Variants in NCKAP5L observed in about 807,000 individuals in gnomAD.
The protein encoded by NCKAP5L is NCK associated protein 5 like.
In NCKAP5L, 54 loss-of-function variants were observed where a neutral mutation model predicts 103.2. The observed-to-expected ratio is 0.52, with a 90% confidence interval of 0.42 to 0.66. The LOEUF is 0.66. NCKAP5L is among the 30% of genes least tolerant of loss of function. The pLI, the probability that NCKAP5L is intolerant of heterozygous loss-of-function variation, is 0.00. For synonymous variants in NCKAP5L, 762 were observed against 748.6 expected (o/e 1.02, Z -0.29); for missense variants, 1,733 against 1,750.6 (o/e 0.99, Z 0.18).
rs117975630 is a variant in NCKAP5L at position 49,794,215 on chromosome 12, C to T, written c.3096-319G>A. Reference sequence around the variant, plus strand: ...ACCCGGTCACATCCTGGTCCATGAACGACACACTCCACCTGCTCTAGCTGA... The same window carrying T: ...ACCCGGTCACATCCTGGTCCATGAATGACACACTCCACCTGCTCTAGCTGA... On this transcript the variant is annotated intron_variant, in intron 8 of 12. Transcript: ENST00000335999. Among the ~76,000 whole-genome samples, 1,420 of 152,250 alleles carry T rather than the reference C, an allele frequency of 9.3e-3. 11 individuals carry two copies. Among genetic ancestry groups the T allele is most frequent in the South Asian group, 0.027 (130 of 4,816 alleles).
chr12:49,814,910 G>A (rs1009214423), intron 1 of NCKAP5L, among the ~76,000 whole-genome samples: 2 of 152,116 alleles, frequency 1.3e-5, no homozygotes, highest in Admixed American at 6.5e-5. Context: ...ACTTCTGAAG[G>A]GACTGGTCAA....
At chr12:49,810,985 G>A in intron 1 of NCKAP5L, among the ~76,000 whole-genome samples, 1 of 152,084 alleles carries the variant, frequency 6.6e-6, no homozygotes, top group East Asian at 1.9e-4. Context: ...TGCTTAGTCT[G>A]TACTATCCAA....
In NCKAP5L at chr12:49,802,994, A is replaced by T. The variant is rs774604950; in HGVS notation, c.195T>A (p.Val65=). The T allele has an allele frequency of 6.2e-7, 1 of 1,614,228 alleles. No individual in the cohort carries two copies. Among genetic ancestry groups the T allele is most frequent in the Non-Finnish European group, 8.5e-7 (1 of 1,180,042 alleles). Reference sequence around the variant, plus strand: ...GCAACGCCTGTACCACATGGTTGGCAACCTGGGGACAGAAAGCCCCGAGGC... The same window carrying T: ...GCAACGCCTGTACCACATGGTTGGCTACCTGGGGACAGAAAGCCCCGAGGC... ...RETYERCLDE[V]ANHVVQALLN... The change falls in exon 5 of 13, where the codon GTT becomes GTA. Residue 65 remains valine, a splice_region_variant and synonymous_variant. Transcript: ENST00000335999.
intron 1 of NCKAP5L, among the ~76,000 whole-genome samples, chr12:49,808,674 C>T (rs1300809552): frequency 1.3e-5 from 2 of 152,164 alleles, no homozygotes; most frequent in Admixed American, 6.5e-5. Flanking sequence ...AGGCAGGCTT[C>T]GCAGTGGTGG....
At chr12:49,811,760 G>C (rs57832845) in intron 1 of NCKAP5L, among the ~76,000 whole-genome samples, 5,388 of 151,972 alleles carry the variant, frequency 0.035, 142 homozygotes, top group African/African-American at 0.073. Context: ...GCGACAAAGA[G>C]GGACCCTTTT....
chr12:49,799,045 T>A (rs1946090433), intron 6 of NCKAP5L, among the ~76,000 whole-genome samples: 1 of 152,144 alleles, frequency 6.6e-6, no homozygotes, highest in South Asian at 2.1e-4. Context: ...TGGCTAGATA[T>A]AAGTCAGCTT....
At chr12:49,803,643 T>C (rs1217120045) in intron 3 of NCKAP5L, among the ~76,000 whole-genome samples, 2 of 151,976 alleles carry the variant, frequency 1.3e-5, no homozygotes, top group Non-Finnish European at 2.9e-5. Flanking sequence ...TGCAGAGGCA[T>C]GAGAGGTAAG....
At chr12:49,802,643 C>A in intron 5 of NCKAP5L, 2 of 405,830 alleles carry the variant, frequency 4.9e-6, no homozygotes, top group Admixed American at 3.8e-5. Context: ...AGTTATCCAC[C>A]ATAGGTGAGT....
chr12:49,796,021 G>T lies in NCKAP5L; in HGVS notation c.1839C>A (p.Tyr613Ter). 6.4e-7 allele frequency: 1 copy of T among 1,552,900 alleles called. No individual in the cohort carries two copies. Among genetic ancestry groups the T allele is most frequent in the Non-Finnish European group, 8.7e-7 (1 of 1,154,788 alleles). Residue 613 changes from tyrosine (Y) to a stop codon, truncating the protein, a stop_gained, in exon 8 of 13, where the codon TAC becomes TAA. Transcript: ENST00000335999. LOFTEE classifies it high-confidence loss of function. ...TCTTCTCTTGGGGGCTCCCATAGGG[G>T]TACGATTCTGGGAGGCAAGGACTGG... ...VPPSPCLPES[Y>*]PYGSPQEKSL...
chr12:49,803,208 G>A (rs1386261489), intron 3 of NCKAP5L, 43 bp from the exon 4 acceptor site: 2 of 1,601,934 alleles, frequency 1.2e-6, no homozygotes, highest in Non-Finnish European at 1.7e-6. Context: ...GTGGCTTTGG[G>A]GATTATTCTT....
At chr12:49,817,510 A>C (rs932875786) in intron 1 of NCKAP5L, among the ~76,000 whole-genome samples, 5 of 152,180 alleles carry the variant, frequency 3.3e-5, no homozygotes, top group Non-Finnish European at 7.3e-5. Context: ...GCTGAGCAAA[A>C]GTTTGTTCTT....
At chr12:49,809,706 G>A (rs569444591) in intron 1 of NCKAP5L, among the ~76,000 whole-genome samples, 2 of 152,222 alleles carry the variant, frequency 1.3e-5, no homozygotes, top group East Asian at 3.9e-4. Context: ...CTGGGCTGCT[G>A]AGGAGTGTGG....
intron 8 of NCKAP5L, among the ~76,000 whole-genome samples, chr12:49,794,162 TTGA>T (rs1404975530): frequency 6.6e-6 from 1 of 152,218 alleles, no homozygotes; most frequent in Non-Finnish European, 1.5e-5. Context: ...TAGAGACTGC[TTGA>T]TGGTGATTCC....
chr12:49,794,886 G>A lies in NCKAP5L; in HGVS notation c.2974C>T (p.Arg992Trp), dbSNP rs755512453. Residue 992 changes from arginine (R) to tryptophan (W), a missense_variant, in exon 8 of 13, where the codon CGG (arginine) becomes TGG (tryptophan). Arg to Trp is a moderately radical substitution (Grantham distance 101). Coordinates refer to ENST00000335999, the MANE Select transcript of NCKAP5L (RefSeq NM_001037806.4). ...GGGCCACCAGGCCGTGGCCGGGCCC[G>A]GCTGCTTAGGTAGGCCTTCTCCTCT... ...LEEEKAYLSS[R>W]ARPRPGGPAP... 19 of 1,506,812 alleles carry A rather than the reference G, an allele frequency of 1.3e-5. No individual in the cohort carries two copies. Among genetic ancestry groups the A allele is most frequent in the South Asian group, 6.6e-5 (5 of 76,002 alleles). 93.3% of individuals were successfully genotyped at this position (1,506,812 alleles called of 1,614,324 possible).
At chr12:49,808,428 C>T (rs1382065199) in intron 1 of NCKAP5L, among the ~76,000 whole-genome samples, 5 of 152,154 alleles carry the variant, frequency 3.3e-5, no homozygotes, top group East Asian at 1.9e-4. Context: ...GAAGCTGTCA[C>T]GGGGAAGAGA....
intron 1 of NCKAP5L, among the ~76,000 whole-genome samples, chr12:49,809,481 G>A (rs542458813): frequency 2.3e-4 from 35 of 152,242 alleles, no homozygotes; most frequent in African/African-American, 7.2e-4. Flanking sequence ...GACCAGGAGT[G>A]GGGGAGGGTG....
intron 1 of NCKAP5L, among the ~76,000 whole-genome samples, chr12:49,826,900 G>A (rs906270075): frequency 6.6e-6 from 1 of 152,154 alleles, no homozygotes; most frequent in Non-Finnish European, 1.5e-5. Context: ...AAAGATGCTG[G>A]AGGGACAAAG....
At chr12:49,793,593 T>C (rs1476830964) in intron 9 of NCKAP5L, 141 bp downstream of exon 9, 1 of 1,272,842 alleles carries the variant, frequency 7.9e-7, no homozygotes, top group Non-Finnish European at 1.1e-6. Context: ...GAAGCCCCTC[T>C]CCCCTCCCCA....
chr12:49,799,392 C>A (rs894841727), intron 6 of NCKAP5L, among the ~76,000 whole-genome samples: 2 of 151,818 alleles, frequency 1.3e-5, no homozygotes, highest in Non-Finnish European at 2.9e-5. Flanking sequence ...TCACTGCAGC[C>A]TAGATCCCCT....
Sources: allele counts gnomAD v4.1 joint callset (sites outside exome capture counted in the v4.1 genomes callset), GRCh38; gene constraint gnomAD v4.1.1; transcripts MANE v1.5; gene names NCBI Gene and HGNC (gene_info 2026-07-23, HGNC 2026-07-21).